ASPM: variants seen among roughly 807,000 people sequenced by gnomAD.
ASPM encodes the protein abnormal spindle-like microcephaly-associated protein.
In ASPM, 256 loss-of-function variants were observed where a neutral mutation model predicts 366.4. That is an observed-to-expected ratio of 0.70 (90% CI 0.63 to 0.77). The LOEUF (loss-of-function observed/expected upper bound fraction) is 0.77. ASPM is among the 30% of genes least tolerant of loss of function. ASPM has a pLI of 0.00. For missense variants in ASPM, 4,146 were observed against 4,090.4 expected, an observed-to-expected ratio of 1.01 and a Z score of -0.37; for synonymous variants, 1,414 against 1,342.9, an observed-to-expected ratio of 1.05 and a Z score of -1.16.
intron 3 of ASPM, among the ~76,000 whole-genome samples, chr1:197,140,094 G>C (rs1183294434): frequency 6.6e-6 from 1 of 152,160 alleles, no homozygotes; most frequent in African/African-American, 2.4e-5. Flanking sequence ...TGTTTACAGA[G>C]GCTAAAGTCT....
intron 4 of ASPM, among the ~76,000 whole-genome samples, chr1:197,136,189 T>C (rs1214312752): frequency 1.3e-5 from 2 of 152,206 alleles, no homozygotes; most frequent in Non-Finnish European, 2.9e-5. Flanking sequence ...CTAGATTTTT[T>C]TTAAAGCTGA....
At chr1:197,128,722 A>G (rs1432758159) in intron 9 of ASPM, 57 bp from the exon 10 acceptor site, 10 of 1,362,316 alleles carry the variant, frequency 7.3e-6, no homozygotes, top group Admixed American at 4.0e-5. Context: ...TGCTTATAAT[A>G]AAAACAAATC....
intron 18 of ASPM, among the ~76,000 whole-genome samples, chr1:197,097,819 GTGTTTT>G (rs1182842507): frequency 2.6e-5 from 4 of 151,560 alleles, no homozygotes; most frequent in Non-Finnish European, 4.4e-5. Flanking sequence ...GACCATTTTG[GTGTTTT>G]TGTTTTTGTT....
chr1:197,120,068 G>A (rs1657859852), intron 16 of ASPM, among the ~76,000 whole-genome samples: 1 of 152,080 alleles, frequency 6.6e-6, no homozygotes, highest in East Asian at 1.9e-4. Context: ...GAGAGAAACA[G>A]TGGTCTGACT....
intron 5 of ASPM, 38 bp downstream of exon 5, chr1:197,135,056 TAA>T (rs1557961730): frequency 1.4e-6 from 2 of 1,379,434 alleles, no homozygotes; most frequent in Non-Finnish European, 2.0e-6. Context: ...CTTTATCTGT[TAA>T]AAGTATTATT....
Position 197,102,476 on chromosome 1 carries a change from A to G in ASPM, c.6775T>C (p.Leu2259=), listed in dbSNP as rs140922974. 5.4e-4 allele frequency: 870 copies of G among 1,612,608 alleles called. 7 individuals are homozygous for G. The African/African-American group carries it at 9.8e-3, about 18-fold the overall frequency. The part of the protein sequence containing the change: ...IFRGKKARRH[L]KMMHIAATLI... ...GTTGCGGCTATATGCATCATTTTTA[A>G]ATGTCTTCTAGCTTTCTTTCCCCTA... Residue 2259 remains leucine, a synonymous_variant, in exon 18 of 28, where the codon TTA becomes CTA. Coordinates refer to ENST00000367409, the MANE Select transcript of ASPM (RefSeq NM_018136.5).
chr1:197,096,295 ACT>A, intron 18 of ASPM, 131 bp from the exon 19 acceptor site: 1 of 766,286 alleles, frequency 1.3e-6, no homozygotes, highest in East Asian at 2.5e-5. Context: ...TCATATCATG[ACT>A]CTTTTAGACT....
intron 3 of ASPM, among the ~76,000 whole-genome samples, chr1:197,141,149 A>G (rs1362496550): frequency 6.6e-6 from 1 of 152,018 alleles, no homozygotes; most frequent in Non-Finnish European, 1.5e-5. Flanking sequence ...TGTATGTTCC[A>G]AGAGCTAAAT....
Position 197,104,803 on chromosome 1 carries a change from T to C in ASPM, c.4448A>G (p.Lys1483Arg). ...AACACAAGATCTAATATAAATATAT[T>C]TCCGTAATTCTTTATGCATTCTATA... ...SWYRMHKELR[K>R]YIYIRSCVVI... Residue 1483 changes from lysine to arginine, a missense_variant, in exon 18 of 28, where the codon AAA becomes AGA. Around this residue, in one of 3 missense-constraint regions of ASPM, gnomAD observed 3,624 missense variants for 3,591.7 expected, o/e 1.01. Coordinates refer to ENST00000367409, the MANE Select transcript of ASPM (RefSeq NM_018136.5). 6.3e-7 allele frequency: 1 copy of C among 1,579,068 alleles called. No homozygotes were observed. Among genetic ancestry groups the C allele is most frequent in the South Asian group, 1.2e-5 (1 of 84,464 alleles).
At chr1:197,119,358 T>C (rs1657837572) in intron 16 of ASPM, among the ~76,000 whole-genome samples, 1 of 152,110 alleles carries the variant, frequency 6.6e-6, no homozygotes, top group Admixed American at 6.6e-5. Flanking sequence ...AATACACAAA[T>C]AAAATTTTCA....
Position 197,100,430 on chromosome 1 carries a change from C to T in ASPM, c.8820+1G>A. The T allele has an allele frequency of 6.7e-7, 1 of 1,496,462 alleles. No homozygotes were observed. Among genetic ancestry groups the T allele is most frequent in the Non-Finnish European group, 9.1e-7 (1 of 1,103,922 alleles). The allele number at this position is 1,496,462 out of a possible 1,614,324, so 92.7% of individuals were successfully genotyped here. On this transcript the variant is annotated splice_donor_variant, in intron 18 of 27. Coordinates refer to ENST00000367409, the MANE Select transcript of ASPM (RefSeq NM_018136.5). LOFTEE classifies it high-confidence loss of function. ...TATATTTAAATTAAATATAGAAATA[C>T]CTGAATTTTTATGGTGCTATTTTTA...
intron 4 of ASPM, chr1:197,138,925 G>C: frequency 1.2e-6 from 1 of 838,174 alleles, no homozygotes; most frequent in East Asian, 2.4e-5. Flanking sequence ...AACTTGTCCT[G>C]CAGCTCTTTT....
intron 3 of ASPM, among the ~76,000 whole-genome samples, chr1:197,140,974 C>G (rs2125112912): frequency 6.6e-6 from 1 of 152,122 alleles, no homozygotes; most frequent in Middle Eastern, 3.4e-3. Flanking sequence ...AAAGAAAATG[C>G]AATACAAATT....
intron 17 of ASPM, among the ~76,000 whole-genome samples, chr1:197,113,465 T>G (rs1487333611): frequency 6.6e-6 from 1 of 152,096 alleles, no homozygotes; most frequent in Non-Finnish European, 1.5e-5. Flanking sequence ...AACAACTGGA[T>G]AGCCATATAT....
Position 197,144,029 on chromosome 1 carries a change from T to A in ASPM, c.369A>T (p.Thr123=), listed in dbSNP as rs751735447. ...LKEGRVREIM[T]FLVNDVLKHQ... Reference sequence around the variant, plus strand: ...GTTTCAGAACATCATTTACAAGAAATGTCATAATCTCTCTTACTCGGCCTT... The same window carrying A: ...GTTTCAGAACATCATTTACAAGAAAAGTCATAATCTCTCTTACTCGGCCTT... Residue 123 remains threonine, a synonymous_variant, in exon 2 of 28, where the codon ACA becomes ACT. Coordinates refer to ENST00000367409, the MANE Select transcript of ASPM (RefSeq NM_018136.5). The A allele has an allele frequency of 6.2e-7, 1 of 1,610,640 alleles. No individual in the cohort carries two copies. Among genetic ancestry groups the A allele is most frequent in the Non-Finnish European group, 8.5e-7 (1 of 1,177,134 alleles).
Position 197,090,933 on chromosome 1 carries a change from C to G in ASPM, c.9553G>C (p.Ala3185Pro), listed in dbSNP as rs375985254. The G allele has an allele frequency of 3.5e-5, 56 of 1,613,318 alleles. No homozygotes were observed. Among genetic ancestry groups the G allele is most frequent in the East Asian group, 2.5e-4 (11 of 44,840 alleles). ...QECLSQRNRA[A>P]SVIQKAVRHF... The stretch of plus-strand genomic sequence containing the variant: ...CGCACTGCTTTCTGTATTACTGATG[C>G]AGCCCTATTTCGCTGGCTCAGACAT... Residue 3185 changes from alanine to proline, a missense_variant, in exon 23 of 28, where the codon GCA becomes CCA. Around this residue, in one of 3 missense-constraint regions of ASPM, gnomAD observed 3,624 missense variants for 3,591.7 expected, o/e 1.01. Coordinates refer to ENST00000367409, the MANE Select transcript of ASPM (RefSeq NM_018136.5).
At chr1:197,119,920 G>T (rs1326589085) in intron 16 of ASPM, among the ~76,000 whole-genome samples, 1 of 152,074 alleles carries the variant, frequency 6.6e-6, no homozygotes, top group Non-Finnish European at 1.5e-5. Context: ...CTGAAAAATA[G>T]CTATCTCAAG....
At chr1:197,114,744 TTTTA>T (rs753853861) in intron 17 of ASPM, among the ~76,000 whole-genome samples, 20 of 151,322 alleles carry the variant, frequency 1.3e-4, no homozygotes, top group Non-Finnish European at 2.4e-4. Flanking sequence ...TGGCTAGTTA[TTTTA>T]TTTATTTTTT....
chr1:197,126,939 A>T (rs1399781315), intron 10 of ASPM, among the ~76,000 whole-genome samples: 1 of 152,176 alleles, frequency 6.6e-6, no homozygotes, highest in African/African-American at 2.4e-5. Context: ...GAATATTGGC[A>T]AGTTTTTAAA....
Sources: gnomAD v4.1 joint callset for allele counts (sites outside exome capture counted in the v4.1 genomes callset) on GRCh38, gnomAD v4.1.1 for gene constraint, gnomAD v4.1.1 regional missense constraint, MANE v1.5 for transcripts, NCBI Gene and HGNC (gene_info 2026-07-23, HGNC 2026-07-21) for gene names.